Variants in HELZ2 observed in about 807,000 individuals in gnomAD.
HELZ2 encodes helicase with zinc finger 2.
In HELZ2, 143 loss-of-function variants were observed where a neutral mutation model predicts 208.8. The ratio of observed to expected loss-of-function variants is 0.68; its 90% CI spans 0.60 to 0.79. HELZ2 has a LOEUF of 0.79. Ranked by LOEUF, HELZ2 falls within the 30% of genes least tolerant of loss-of-function variation. The pLI, the probability that HELZ2 is intolerant of heterozygous loss-of-function variation, is 0.00. For missense variants in HELZ2, 3,690 were observed against 3,794.5 expected, an observed-to-expected ratio of 0.97 and a Z score of 0.72; for synonymous variants, 1,705 against 1,693.7, an observed-to-expected ratio of 1.01 and a Z score of -0.16.
chr20:63,563,902 C>A, exon 8 of HELZ2: 1 of 1,596,920 alleles, frequency 6.3e-7, no homozygotes, highest in South Asian at 1.1e-5. Flanking sequence ...GCTCCAGGGC[C>A]TTGCGGAGGT....
chr20:63,564,859 C>T lies in HELZ2; in HGVS notation c.3963G>A (p.Gln1321=), dbSNP rs759470149. The T allele has an allele frequency of 8.7e-6, 14 of 1,612,104 alleles. No individual in the cohort carries two copies. In the South Asian group the frequency reaches 1.4e-4, roughly 16 times the overall value. ...CCCGGCCAAGCTCCGTGTGGTATTT[C>T]TGCAGCACCTTGGTGATGGTGGCCT... The change falls in exon 8 of 19, where the codon CAG becomes CAA. Residue 1321 remains glutamine, a synonymous_variant. Transcript: ENST00000467148.
intron 5 of HELZ2, 65 bp downstream of exon 6, chr20:63,568,293 G>A (rs1569036482): frequency 3.2e-6 from 4 of 1,250,196 alleles, no homozygotes; most frequent in Admixed American, 1.9e-5. Flanking sequence ...GGGGGTGACC[G>A]CCTGCCCGGT....
chr20:63,559,331 C>G lies in HELZ2; in HGVS notation c.7865G>C (p.Ser2622Thr), dbSNP rs1394285265. The G allele has an allele frequency of 6.2e-7, 1 of 1,602,042 alleles. No homozygotes were observed. The highest frequency in any genetic ancestry group is 1.7e-5 in the Admixed American group (1 of 58,884). ...CTGAGCCTCGCAGAAGTCCAGGAGG[C>G]TACGCCAGAGGGGGCAGCAGCGCAG... The change falls in exon 19 of 19, where the codon AGC (serine) becomes ACC (threonine). Residue 2622 changes from serine to threonine, a missense_variant. By Grantham distance (58) the Ser-to-Thr change is moderately conservative (BLOSUM62 1). This residue lies in a region of HELZ2 where 2,564 missense variants were observed against 2,580.5 expected (regional missense o/e 0.99). Coordinates refer to ENST00000467148, the Ensembl canonical transcript of HELZ2.
At chr20:63,563,668 C>A in exon 8 of HELZ2, 1 of 1,568,594 alleles carries the variant, frequency 6.4e-7, no homozygotes. Context: ...GCTGATAGCT[C>A]TGGGCAAGTG....
At chr20:63,565,444 G>A (rs766083997) in exon 8 of HELZ2, 87 of 1,609,724 alleles carry the variant, frequency 5.4e-5, no homozygotes, top group Non-Finnish European at 6.6e-5. Flanking sequence ...GGTACCGCTC[G>A]GGCTCCGCGT....
chr20:63,562,454 C>A lies in HELZ2; in HGVS notation c.6302+66G>T, dbSNP rs930772516. 6.5e-6 allele frequency: 10 copies of A among 1,528,112 alleles called. No individual in the cohort carries two copies. The highest frequency in any genetic ancestry group is 2.8e-5 in the African/African-American group (2 of 72,220). The allele number at this position is 1,528,112 out of a possible 1,614,324, so 94.7% of individuals were successfully genotyped here. On this transcript the variant is annotated intron_variant, in intron 8 of 18. Coordinates refer to ENST00000467148, the Ensembl canonical transcript of HELZ2. ...AGGGGCTGCTGCCCCACGAGCTCCCCCCTCCTGCAAGTGAGGGGCCCGGGG... is the reference window on the plus strand; with the variant it reads ...AGGGGCTGCTGCCCCACGAGCTCCCACCTCCTGCAAGTGAGGGGCCCGGGG...
exon 8 of HELZ2, chr20:63,564,632 T>C (rs1425355380): frequency 6.4e-7 from 1 of 1,567,394 alleles, no homozygotes; most frequent in Non-Finnish European, 8.6e-7. Flanking sequence ...GCCGGGGGCA[T>C]AGAACGCAGC....
At chr20:63,561,920 C>G (rs1276095217) in exon 11 of HELZ2, 1 of 1,596,060 alleles carries the variant, frequency 6.3e-7, no homozygotes, top group South Asian at 1.1e-5. Context: ...CGGGCTGCAC[C>G]TGCTCCTGGT....
chr20:63,563,436 G>A (rs747258525), exon 8 of HELZ2: 22 of 1,529,706 alleles, frequency 1.4e-5, no homozygotes, highest in South Asian at 6.0e-5. Flanking sequence ...ACACGGCGCC[G>A]CCACAGGAGC....
At chr20:63,562,299 G>A in exon 9 of HELZ2, 1 of 1,598,706 alleles carries the variant, frequency 6.3e-7, no homozygotes, top group African/African-American at 1.3e-5. Context: ...TCTGCAGAGG[G>A]GCTGCGGGAC....
At chr20:63,562,138 G>A (rs1345804198) in exon 10 of HELZ2, 5 of 1,612,346 alleles carry the variant, frequency 3.1e-6, no homozygotes, top group Admixed American at 3.3e-5. Context: ...TTCTGGCTGG[G>A]GTTCAGCTTG....
At chr20:63,560,620 C>A in exon 16 of HELZ2, 1 of 1,611,002 alleles carries the variant, frequency 6.2e-7, no homozygotes, top group Non-Finnish European at 8.5e-7. Context: ...GGACACTGGG[C>A]GGCCTCCTCA....
Position 63,561,990 on chromosome 20 carries a change from G to A in HELZ2, c.6530-6C>T, listed in dbSNP as rs2082893027. On this transcript the variant is annotated splice_region_variant and splice_polypyrimidine_tract_variant and intron_variant, in intron 10 of 18. Transcript: ENST00000467148. The stretch of plus-strand genomic sequence containing the variant: ...CACGATCGTCTTCCCTGTACCTGCA[G>A]CCAGAGAATAGGAGATTGTAGCCCA... The A allele has an allele frequency of 6.3e-7, 1 of 1,592,940 alleles. No homozygotes were observed. The highest frequency in any genetic ancestry group is 8.6e-7 in the Non-Finnish European group (1 of 1,166,696).
At position 63,569,328 on chromosome 20, in the gene HELZ2, G is replaced by A. The variant is rs569655061; in HGVS notation, c.908C>T (p.Pro303Leu). The A allele has an allele frequency of 6.9e-6, 11 of 1,595,534 alleles. No homozygotes were observed. The Admixed American group carries it at 1.9e-4, about 27-fold the overall frequency. ...CTGCTCGGCCGTCCGCTCCACGCCAGGCACCACGTGGCGGTTGCCAGTGTG... is the reference window on the plus strand; with the variant it reads ...CTGCTCGGCCGTCCGCTCCACGCCAAGCACCACGTGGCGGTTGCCAGTGTG... Residue 303 changes from proline to leucine, a missense_variant, in exon 4 of 19, where the codon CCT becomes CTT. Physicochemically the swap from Pro to Leu is moderately conservative, Grantham distance 98. Transcript: ENST00000467148.
chr20:63,559,825 A>G (rs2082864904), intron 18 of HELZ2, 103 bp downstream of exon 19: 1 of 1,215,678 alleles, frequency 8.2e-7, no homozygotes, highest in African/African-American at 1.5e-5. Flanking sequence ...GGGAGGAGTC[A>G]GGGTCAGGTC....
chr20:63,569,782 G>C, intron 3 of HELZ2, 117 bp from the exon 5 acceptor site: 1 of 1,168,488 alleles, frequency 8.6e-7, no homozygotes, highest in Non-Finnish European at 1.2e-6. Context: ...CCACTTCCTG[G>C]ATAGAACGCA....
chr20:63,565,192 C>T lies in HELZ2; in HGVS notation c.3630G>A (p.Thr1210=), dbSNP rs760626528. Residue 1210 remains threonine, a synonymous_variant, in exon 8 of 19, where the codon ACG becomes ACA. Transcript: ENST00000467148. Reference sequence around the variant, plus strand: ...TGGGGACCATGATGCGCGGGTCCCACGTGTCCATGCGGCACACAAACGCCA... The same window carrying T: ...TGGGGACCATGATGCGCGGGTCCCATGTGTCCATGCGGCACACAAACGCCA... 33 of 1,606,428 alleles carry T rather than the reference C, an allele frequency of 2.1e-5. 2 individuals are homozygous for T. The highest frequency in any genetic ancestry group is 1.4e-4 in the South Asian group (13 of 89,950).
exon 8 of HELZ2, chr20:63,565,811 G>A (rs761228353): frequency 3.8e-6 from 6 of 1,599,368 alleles, no homozygotes; most frequent in Non-Finnish European, 4.2e-6. Context: ...TGGGCTCAGA[G>A]CCTCATCTCC....
rs1204687287 is a variant in HELZ2 at position 63,564,388 on chromosome 20, G to A, written c.4434C>T (p.Arg1478=). 18 of 1,549,490 alleles carry A rather than the reference G, an allele frequency of 1.2e-5. No homozygotes were observed. In the East Asian group the frequency reaches 4.4e-4, roughly 38 times the overall value. Residue 1478 remains arginine (R), a synonymous_variant, in exon 8 of 19, where the codon CGC becomes CGT. Coordinates refer to ENST00000467148, the Ensembl canonical transcript of HELZ2. ...CGACGCAGGCGTCCACGGAGTCCAG[G>A]CGGGCCGGCAGCTCACGGCCGGCAC...
Sources: allele counts gnomAD v4.1 joint callset, GRCh38; gene constraint gnomAD v4.1.1; regional missense constraint gnomAD v4.1.1; transcripts MANE v1.5; gene names NCBI Gene and HGNC (gene_info 2026-07-23, HGNC 2026-07-21).